Variants in LRP6 observed in about 807,000 individuals in gnomAD.
LRP6 encodes LDL receptor related protein 6, also known as low-density lipoprotein receptor-related protein 6.
LRP6 carries 43 observed loss-of-function variants against 184.1 expected under a neutral mutation model. The ratio of observed to expected loss-of-function variants is 0.23; its 90% CI spans 0.18 to 0.30. The LOEUF (loss-of-function observed/expected upper bound fraction) is 0.30, where lower values mean the gene tolerates loss of function less well. LRP6 is among the 10% of genes least tolerant of loss of function. The pLI is 1.00. For missense variants in LRP6, 1,571 were observed against 2,005.3 expected (o/e 0.78, Z 4.14); for synonymous variants, 719 against 684.9 (o/e 1.05, Z -0.78).
At chr12:12,201,138 C>T (rs17820041) in intron 3 of LRP6, among the ~76,000 whole-genome samples, 2,991 of 152,274 alleles carry the variant, frequency 0.02, 66 homozygotes, top group Non-Finnish European at 0.031. Context: ...TTTCTGAGAT[C>T]TACTAGCCGT....
chr12:12,137,875 T>C (rs549505812), intron 16 of LRP6, among the ~76,000 whole-genome samples: 104 of 152,104 alleles, frequency 6.8e-4, no homozygotes, highest in Non-Finnish European at 1.3e-3. Flanking sequence ...TTTAAAAGCA[T>C]GAAGAGGCTG....
chr12:12,193,334 C>T (rs1380824407), intron 3 of LRP6, among the ~76,000 whole-genome samples: 1 of 147,080 alleles, frequency 6.8e-6, no homozygotes, highest in East Asian at 2.0e-4. Flanking sequence ...AGATTAAATC[C>T]AAAGCAAGTG....
At chr12:12,148,239 T>C (rs1302519452) in intron 14 of LRP6, among the ~76,000 whole-genome samples, 1 of 151,870 alleles carries the variant, frequency 6.6e-6, no homozygotes, top group Non-Finnish European at 1.5e-5. Flanking sequence ...TTCAGAATAA[T>C]ACGACAAATT....
At chr12:12,138,691 A>G (rs986661857) in intron 15 of LRP6, 157 bp from the exon 16 acceptor site, 126 of 1,338,912 alleles carry the variant, frequency 9.4e-5, no homozygotes, top group Non-Finnish European at 1.2e-4. Context: ...TAAGACATAC[A>G]CTAGAAAACA....
rs116934463 is a variant in LRP6, at chr12:12,202,698, T to C, written c.647+505A>G. 3.3e-3 allele frequency among the ~76,000 whole-genome samples: 504 copies of C among 152,248 alleles called. 23 individuals are homozygous for C. In the East Asian group the frequency reaches 0.09, roughly 27 times the overall value. On this transcript the variant is annotated intron_variant, in intron 3 of 22. Transcript: ENST00000261349. ...TTACTATCTGAGCCTTTACAGAAAA[T>C]CTTGGCCAAACCCCGTCCTAGTGTA...
rs139965605 is a variant in LRP6 at position 12,256,185 on chromosome 12, G to A, written c.55+10496C>T. 3.5e-3 allele frequency among the ~76,000 whole-genome samples: 537 copies of A among 152,284 alleles called. 8 individuals carry two copies. Among genetic ancestry groups the A allele is most frequent in the African/African-American group, 0.012 (504 of 41,540 alleles). On this transcript the variant is annotated intron_variant, in intron 1 of 22. Transcript: ENST00000261349. ...TTAGTAAAAAGATTTAACTGCAACA[G>A]GACGATTGACAGGGCTATTCAGAAA...
At chr12:12,126,291 C>T (rs1949670092) in intron 20 of LRP6, among the ~76,000 whole-genome samples, 2 of 152,156 alleles carry the variant, frequency 1.3e-5, no homozygotes, top group Non-Finnish European at 2.9e-5. Flanking sequence ...TCTTTGTTGG[C>T]TGAAGGGAAT....
intron 1 of LRP6, among the ~76,000 whole-genome samples, chr12:12,260,701 G>T (rs558025149): frequency 6.6e-6 from 1 of 152,298 alleles, no homozygotes; most frequent in East Asian, 1.9e-4. Flanking sequence ...AGTTCTCACA[G>T]AAGTCTTGCA....
intron 3 of LRP6, among the ~76,000 whole-genome samples, chr12:12,196,324 G>A (rs1386939367): frequency 1.3e-5 from 2 of 151,910 alleles, no homozygotes; most frequent in African/African-American, 2.4e-5. Flanking sequence ...TCCAATCCAT[G>A]AGCATGAAAT....
chr12:12,138,270 T>C (rs1293876090), intron 16 of LRP6, 55 bp downstream of exon 16: 1 of 1,448,730 alleles, frequency 6.9e-7, no homozygotes, highest in African/African-American at 1.4e-5. Flanking sequence ...AAAGTACATA[T>C]TAATTTATTA....
rs1223174131 is a variant in LRP6, at chr12:12,266,938, C to T, written c.-203G>A. 1.0e-5 allele frequency: 6 copies of T among 580,332 alleles called. No individual in the cohort carries two copies. The highest frequency in any genetic ancestry group is 2.0e-5 in the African/African-American group (1 of 50,370). The allele number at this position is 580,332 out of a possible 1,614,324, so 35.9% of individuals were successfully genotyped here. A position where few individuals can be genotyped will look rare whatever the true frequency, so the allele number is the denominator to read the frequency against. On this transcript the variant is annotated 5_prime_UTR_variant, in exon 1 of 23. Transcript: ENST00000261349. ...ACCGCGCCGCTCGGCCCCGGGCTCGCGCGACGCCAGCGTCTGCTTCCATCC... is the reference window on the plus strand; with the variant it reads ...ACCGCGCCGCTCGGCCCCGGGCTCGTGCGACGCCAGCGTCTGCTTCCATCC...
Position 12,181,412 on chromosome 12 carries a change from C to A in LRP6, c.1004G>T (p.Arg335Leu), listed in dbSNP as rs869320641. 3.6e-6 allele frequency: 5 copies of A among 1,398,874 alleles called. No homozygotes were observed. The highest frequency in any genetic ancestry group is 5.1e-6 in the Non-Finnish European group (5 of 985,014). The allele number at this position is 1,398,874 out of a possible 1,614,324, so 86.7% of individuals were successfully genotyped here. Reference sequence around the variant, plus strand: ...AGAAATGCGTCTCAAGTCTGTCCTTCGAGCTAAAAGCAATAATTCTGTGGC... The same window carrying A: ...AGAAATGCGTCTCAAGTCTGTCCTTAGAGCTAAAAGCAATAATTCTGTGGC... ...DGATELLLLARRTDLRRISLD... is the reference protein window; with the variant it reads ...DGATELLLLALRTDLRRISLD... The change falls in exon 6 of 23, where the codon CGA becomes CTA. Residue 335 changes from arginine to leucine, a missense_variant. Physicochemically the swap from Arg to Leu is moderately radical, Grantham distance 102. Around this residue, in one of 4 missense-constraint regions of LRP6, gnomAD observed 640 missense variants for 851.9 expected, o/e 0.75. Transcript: ENST00000261349.
At chr12:12,196,138 T>C (rs868223545) in intron 3 of LRP6, among the ~76,000 whole-genome samples, 1 of 152,282 alleles carries the variant, frequency 6.6e-6, no homozygotes, top group South Asian at 2.1e-4. Flanking sequence ...TCTCCAGCTT[T>C]GTTCTTTTTG....
At chr12:12,153,431 C>T (rs2136924723) in intron 12 of LRP6, among the ~76,000 whole-genome samples, 1 of 152,234 alleles carries the variant, frequency 6.6e-6, no homozygotes, top group East Asian at 1.9e-4. Flanking sequence ...TTGCTGGGTA[C>T]TCTCTTTTCC....
At chr12:12,255,487 CCTT>C (rs1470848740) in intron 1 of LRP6, among the ~76,000 whole-genome samples, 3 of 150,318 alleles carry the variant, frequency 2.0e-5, no homozygotes, top group African/African-American at 4.9e-5. Flanking sequence ...GTAAGCATGT[CCTT>C]CTACTGCAAA....
chr12:12,146,286 A>G (rs1950005291), intron 15 of LRP6, among the ~76,000 whole-genome samples: 1 of 152,238 alleles, frequency 6.6e-6, no homozygotes, highest in African/African-American at 2.4e-5. Flanking sequence ...ATTGTCCTCT[A>G]AAAAGGCTCT....
rs1950026316 is a variant in LRP6 at position 12,147,517 on chromosome 12, T to C, written c.3246A>G (p.Lys1082=). ...TCCCATCCAAAGCAGCCCGTTCAAT[T>C]TTAGGAGACCTTTCCTGAAGATTGG... The part of the protein sequence containing the change: ...YFTNLQERSP[K]IERAALDGTE... The change falls in exon 15 of 23, where the codon AAA becomes AAG. Residue 1082 remains lysine, a synonymous_variant. Coordinates refer to ENST00000261349, the MANE Select transcript of LRP6 (RefSeq NM_002336.3). 1 of 1,613,858 alleles carries C rather than the reference T, an allele frequency of 6.2e-7. No individual in the cohort carries two copies. The highest frequency in any genetic ancestry group is 1.3e-5 in the African/African-American group (1 of 74,866).
chr12:12,138,114 T>C (rs1949870847), intron 16 of LRP6, among the ~76,000 whole-genome samples: 1 of 150,962 alleles, frequency 6.6e-6, no homozygotes, highest in Non-Finnish European at 1.5e-5. Context: ...GAGGCTGCAG[T>C]GAGCCAAGAT....
At chr12:12,217,665 G>A (rs900800731) in intron 2 of LRP6, among the ~76,000 whole-genome samples, 1 of 152,024 alleles carries the variant, frequency 6.6e-6, no homozygotes, top group East Asian at 1.9e-4. Flanking sequence ...TCAAGACAGT[G>A]TGATACTAGC....
Sources: allele counts gnomAD v4.1 joint callset (sites outside exome capture counted in the v4.1 genomes callset), GRCh38; gene constraint gnomAD v4.1.1; regional missense constraint gnomAD v4.1.1; transcripts MANE v1.5; gene names NCBI Gene and HGNC (gene_info 2026-07-23, HGNC 2026-07-21).